ATF1: variants seen among roughly 807,000 people sequenced by gnomAD.
The protein encoded by ATF1 is cyclic AMP-dependent transcription factor ATF-1.
ATF1 carries 16 observed loss-of-function variants against 34.7 expected under a neutral mutation model. The ratio of observed to expected loss-of-function variants is 0.46; its 90% CI spans 0.31 to 0.70. The LOEUF (loss-of-function observed/expected upper bound fraction) is 0.70, where lower values mean the gene tolerates loss of function less well. Ranked by LOEUF, ATF1 falls within the 30% of genes least tolerant of loss-of-function variation. The pLI, the probability that ATF1 is intolerant of heterozygous loss-of-function variation, is 0.05. For missense variants in ATF1, 255 were observed against 321.6 expected (o/e 0.79, Z 1.58); for synonymous variants, 105 against 113.1 (o/e 0.93, Z 0.46).
intron 2 of ATF1, among the ~76,000 whole-genome samples, chr12:50,791,470 C>T (rs1941300629): frequency 6.6e-6 from 1 of 151,830 alleles, no homozygotes; most frequent in Non-Finnish European, 1.5e-5. Flanking sequence ...GTAGGAGAAT[C>T]GTTTGAACCC....
Position 50,809,499 on chromosome 12 carries a change from A to G in ATF1, c.238A>G (p.Lys80Glu). The G allele has an allele frequency of 6.2e-7, 1 of 1,613,750 alleles. No individual in the cohort carries two copies. Among genetic ancestry groups the G allele is most frequent in the Non-Finnish European group, 8.5e-7 (1 of 1,179,724 alleles). The change falls in exon 4 of 7, where the codon AAA (lysine) becomes GAA (glutamate). Residue 80 changes from lysine (K) to glutamate (E), a missense_variant. Transcript: ENST00000262053. ...DLSSEDTRGRKGDGENSGVSA... is the reference protein window; with the variant it reads ...DLSSEDTRGREGDGENSGVSA... ...ATCTTCTGAAGATACACGGGGCAGA[A>G]AAGGAGACGGAGAAAATTCTGGAGT...
intron 6 of ATF1, among the ~76,000 whole-genome samples, chr12:50,816,105 C>A (rs1016251716): frequency 6.6e-6 from 1 of 151,930 alleles, no homozygotes; most frequent in African/African-American, 2.4e-5. Context: ...GAGGCCGAGG[C>A]GGGAGGATCA....
intron 1 of ATF1, among the ~76,000 whole-genome samples, chr12:50,778,100 G>A (rs1940970038): frequency 6.6e-6 from 1 of 151,864 alleles, no homozygotes; most frequent in African/African-American, 2.4e-5. Flanking sequence ...ATTTTTTGTA[G>A]AGACGGGCTC....
rs767277369 is a variant in ATF1, at chr12:50,795,939, C to T, written c.124C>T (p.Gln42Ter). The change falls in exon 3 of 7, where the codon CAG becomes TAG. Residue 42 changes from glutamine to a stop codon, truncating the protein, a stop_gained. Transcript: ENST00000262053. LOFTEE classifies it high-confidence loss of function. The part of the protein sequence containing the change: ...VSSLSESEES[Q>*]DSSDSIGSSQ... Reference sequence around the variant, plus strand: ...ATCTTTATCAGAAAGTGAGGAGTCCCAGGACTCATCCGACAGCATAGGCTC... The same window carrying T: ...ATCTTTATCAGAAAGTGAGGAGTCCTAGGACTCATCCGACAGCATAGGCTC... 1 of 1,613,058 alleles carries T rather than the reference C, an allele frequency of 6.2e-7. No homozygotes were observed. The highest frequency in any genetic ancestry group is 1.3e-5 in the African/African-American group (1 of 74,794).
At chr12:50,780,662 A>C (rs1042947102) in intron 2 of ATF1, among the ~76,000 whole-genome samples, 5 of 151,684 alleles carry the variant, frequency 3.3e-5, no homozygotes, top group African/African-American at 4.8e-5. Flanking sequence ...TAAAAAAAAA[A>C]AAAAACAAAA....
In ATF1 at chr12:50,820,031, T is replaced by C. The variant is rs532269819; in HGVS notation, c.*252T>C. ...GGAGCAAGAAATGAACTTTCAGCAGTCTAAATTTTCTAAATAACCAATAGT... is the reference window on the plus strand; with the variant it reads ...GGAGCAAGAAATGAACTTTCAGCAGCCTAAATTTTCTAAATAACCAATAGT... On this transcript the variant is annotated 3_prime_UTR_variant, in exon 7 of 7. Coordinates refer to ENST00000262053, the MANE Select transcript of ATF1 (RefSeq NM_005171.5). 36 of 293,748 alleles carry C rather than the reference T, an allele frequency of 1.2e-4. No individual in the cohort carries two copies. Among genetic ancestry groups the C allele is most frequent in the South Asian group, 1.0e-3 (9 of 8,712 alleles). The allele number at this position is 293,748 out of a possible 1,614,324, so 18.2% of individuals were successfully genotyped here.
At chr12:50,808,703 T>A (rs768948466) in intron 3 of ATF1, among the ~76,000 whole-genome samples, 2 of 151,778 alleles carry the variant, frequency 1.3e-5, no homozygotes, top group Admixed American at 6.6e-5. Context: ...ATAAAAGCAT[T>A]CTTTGGTGTA....
At position 50,806,187 on chromosome 12, in the gene ATF1, G is replaced by C. The variant is rs144960346; in HGVS notation, c.195-3269G>C. ...AAAAAGAAAAAAATAATTGCTAGTAGATGTTTTTTCCTAAATCATTTAGCA... is the reference window on the plus strand; with the variant it reads ...AAAAAGAAAAAAATAATTGCTAGTACATGTTTTTTCCTAAATCATTTAGCA... On this transcript the variant is annotated intron_variant, in intron 3 of 6. Coordinates refer to ENST00000262053, the MANE Select transcript of ATF1 (RefSeq NM_005171.5). 1,254 of 156,170 alleles carry C rather than the reference G, an allele frequency of 8.0e-3. 13 individuals are homozygous for C. The highest frequency in any genetic ancestry group is 0.013 in the Middle Eastern group (4 of 310). 9.7% of individuals were successfully genotyped at this position (156,170 alleles called of 1,614,324 possible).
chr12:50,780,356 T>G, intron 2 of ATF1, 118 bp downstream of exon 2: 1 of 958,502 alleles, frequency 1.0e-6, no homozygotes, highest in Non-Finnish European at 1.5e-6. Flanking sequence ...TTGGGTTTTT[T>G]TTTTCGAGGC....
At chr12:50,812,115 A>ACAGCT (rs1941750403) in intron 4 of ATF1, among the ~76,000 whole-genome samples, 1 of 152,074 alleles carries the variant, frequency 6.6e-6, no homozygotes, top group African/African-American at 2.4e-5. Flanking sequence ...ACCCTATCAG[A>ACAGCT]CAGCTCAGTT....
intron 4 of ATF1, among the ~76,000 whole-genome samples, chr12:50,812,002 A>G (rs1941747732): frequency 6.6e-6 from 1 of 152,204 alleles, no homozygotes; most frequent in Admixed American, 6.5e-5. Context: ...CCACTAAACC[A>G]TGTGTGACTG....
At chr12:50,781,328 A>G (rs1447947083) in intron 2 of ATF1, among the ~76,000 whole-genome samples, 2 of 152,238 alleles carry the variant, frequency 1.3e-5, no homozygotes, top group Admixed American at 1.3e-4. Flanking sequence ...CATGTTCAGT[A>G]TAGAGAAATT....
intron 2 of ATF1, among the ~76,000 whole-genome samples, chr12:50,785,688 G>A (rs1307900288): frequency 1.3e-5 from 2 of 152,102 alleles, no homozygotes; most frequent in African/African-American, 4.8e-5. Context: ...TAGTTTGTTG[G>A]CAGAATTCTT....
chr12:50,780,012 C>A (rs747225302), intron 1 of ATF1, 128 bp from the exon 2 acceptor site: 5 of 586,172 alleles, frequency 8.5e-6, no homozygotes, highest in Admixed American at 3.8e-5. Flanking sequence ...CCCTTTCTAT[C>A]TCTATACCAT....
At chr12:50,799,593 CTAT>C (rs1462599774) in intron 3 of ATF1, among the ~76,000 whole-genome samples, 1 of 151,864 alleles carries the variant, frequency 6.6e-6, no homozygotes, top group Non-Finnish European at 1.5e-5. Flanking sequence ...TTTAAAGAAG[CTAT>C]TATTAAACTG....
intron 2 of ATF1, among the ~76,000 whole-genome samples, chr12:50,784,143 A>C (rs964071032): frequency 1.3e-5 from 2 of 152,096 alleles, no homozygotes; most frequent in Non-Finnish European, 2.9e-5. Context: ...AGGCTGGGTC[A>C]CAGCATGATC....
At chr12:50,784,439 T>A (rs1416105797) in intron 2 of ATF1, among the ~76,000 whole-genome samples, 2 of 152,164 alleles carry the variant, frequency 1.3e-5, no homozygotes, top group African/African-American at 4.8e-5. Flanking sequence ...TTCAATTATA[T>A]GGACCAACAG....
chr12:50,814,047 T>G lies in ATF1; in HGVS notation c.366T>G (p.Ser122Arg), dbSNP rs186674535. The G allele has an allele frequency of 1.2e-6, 2 of 1,614,134 alleles. No individual in the cohort carries two copies. Among genetic ancestry groups the G allele is most frequent in the Non-Finnish European group, 1.7e-6 (2 of 1,180,014 alleles). Residue 122 changes from serine to arginine, a missense_variant, in exon 5 of 7, where the codon AGT becomes AGG. This residue lies in a region of ATF1 where 221 missense variants were observed against 250.7 expected (regional missense o/e 0.88). Coordinates refer to ENST00000262053, the MANE Select transcript of ATF1 (RefSeq NM_005171.5). Reference sequence around the variant, plus strand: ...CAAATGGAGCCTTACAGTTGGCAAGTCCAGGCACAGATGGAGTACAGGGAC... The same window carrying G: ...CAAATGGAGCCTTACAGTTGGCAAGGCCAGGCACAGATGGAGTACAGGGAC... ...IAPNGALQLA[S>R]PGTDGVQGLQ... is the part of the protein sequence containing the mutation.
Position 50,820,530 on chromosome 12 carries a change from A to G in ATF1, c.*751A>G, listed in dbSNP as rs1305575109. On this transcript the variant is annotated 3_prime_UTR_variant, in exon 7 of 7. Transcript: ENST00000262053. ...AATGATTTTCTACAAATACATAATA[A>G]ATTGTTTTTTTGAGTCTATATTCTG... 1 of 180,394 alleles carries G rather than the reference A, an allele frequency of 5.5e-6. No homozygotes were observed. Among genetic ancestry groups the G allele is most frequent in the Non-Finnish European group, 1.2e-5 (1 of 84,018 alleles). The allele number at this position is 180,394 out of a possible 1,614,324, so 11.2% of individuals were successfully genotyped here.
Sources: allele counts gnomAD v4.1 joint callset (sites outside exome capture counted in the v4.1 genomes callset), GRCh38; gene constraint gnomAD v4.1.1; regional missense constraint gnomAD v4.1.1; transcripts MANE v1.5; gene names NCBI Gene and HGNC (gene_info 2026-07-23, HGNC 2026-07-21).